Variants in SERGEF observed in about 807,000 individuals in gnomAD.
The protein encoded by SERGEF is secretion regulating guanine nucleotide exchange factor.
In SERGEF, 51 loss-of-function variants were observed where a neutral mutation model predicts 50.0. The observed-to-expected ratio is 1.02, with a 90% CI of 0.81 to 1.29. SERGEF has a LOEUF of 1.29. SERGEF is among the 50% of genes most tolerant of loss of function. The probability of loss-of-function intolerance (pLI) is 0.00; values close to 1 mark genes in which losing one functional copy is unlikely to be tolerated. For synonymous variants in SERGEF, 205 were observed against 212.4 expected, an observed-to-expected ratio of 0.97 and a Z score of 0.30; for missense variants, 521 against 557.0, an observed-to-expected ratio of 0.94 and a Z score of 0.65.
chr11:17,907,846 C>T lies in SERGEF; in HGVS notation c.1012-29602G>A, dbSNP rs76528741. ...AGGAAACAAACATCAGGTTTCTCTT[C>T]AGACAGCAAAAAGGAACTGCTTGTA... On this transcript the variant is annotated intron_variant, in intron 9 of 10. Transcript: ENST00000265965. 8.2e-3 allele frequency among the ~76,000 whole-genome samples: 1,251 copies of T among 152,158 alleles called. 124 individuals carry two copies. The East Asian group carries it at 0.21, about 25-fold the overall frequency.
At chr11:17,970,873 G>C (rs1853233822) in intron 8 of SERGEF, among the ~76,000 whole-genome samples, 1 of 152,158 alleles carries the variant, frequency 6.6e-6, no homozygotes, top group Admixed American at 6.6e-5. Context: ...ATGGAAGCTA[G>C]CAGAGGATGG....
rs1854085261 is a variant in SERGEF at position 18,006,857 on chromosome 11, G to T, written c.197-111C>A. ...GACTCTCAGACCAATAACTTTTTTT[G>T]CCATCCAAGTTAATAAGCTGTGTAT... On this transcript the variant is annotated intron_variant, in intron 2 of 10. Coordinates refer to ENST00000265965, the MANE Select transcript of SERGEF (RefSeq NM_012139.4). 15 of 1,273,106 alleles carry T rather than the reference G, an allele frequency of 1.2e-5. No homozygotes were observed. In the South Asian group the frequency reaches 1.8e-4, roughly 15 times the overall value. 78.9% of individuals were successfully genotyped at this position (1,273,106 alleles called of 1,614,324 possible).
At chr11:17,921,115 A>C (rs1374288317) in intron 9 of SERGEF, among the ~76,000 whole-genome samples, 1 of 152,208 alleles carries the variant, frequency 6.6e-6, no homozygotes, top group African/African-American at 2.4e-5. Flanking sequence ...GCTCAAAATA[A>C]ACGGGTTTGG....
At chr11:17,928,767 G>A (rs1852297055) in intron 9 of SERGEF, among the ~76,000 whole-genome samples, 1 of 152,020 alleles carries the variant, frequency 6.6e-6, no homozygotes, top group Non-Finnish European at 1.5e-5. Context: ...AGGGGTCTAG[G>A]AGATTTAAAC....
chr11:17,999,479 T>A, intron 5 of SERGEF: 1 of 433,780 alleles, frequency 2.3e-6, no homozygotes. Flanking sequence ...AGTCCTGCAT[T>A]GAGCTCTTCC....
At chr11:17,910,137 T>C (rs985348358) in intron 9 of SERGEF, among the ~76,000 whole-genome samples, 5 of 145,768 alleles carry the variant, frequency 3.4e-5, no homozygotes, top group Non-Finnish European at 7.5e-5. Context: ...AAGAGGTGAA[T>C]TCAGAGGAAC....
intron 9 of SERGEF, among the ~76,000 whole-genome samples, chr11:17,942,936 T>C (rs1378387660): frequency 6.6e-6 from 1 of 152,164 alleles, no homozygotes; most frequent in African/African-American, 2.4e-5. Context: ...CTTTCATTCC[T>C]GAGATAACAT....
At chr11:17,862,794 G>A (rs1005625892) in intron 10 of SERGEF, among the ~76,000 whole-genome samples, 2 of 152,204 alleles carry the variant, frequency 1.3e-5, no homozygotes, top group African/African-American at 2.4e-5. Flanking sequence ...GACAGAGCAG[G>A]CTCATGGGCT....
chr11:17,918,797 T>C (rs1484151849), intron 9 of SERGEF: 3 of 422,396 alleles, frequency 7.1e-6, no homozygotes, highest in African/African-American at 6.2e-5. Context: ...AAAAGCAGAA[T>C]ATGGATTAGG....
intron 10 of SERGEF, among the ~76,000 whole-genome samples, chr11:17,864,515 A>G (rs1398410555): frequency 6.6e-6 from 1 of 152,232 alleles, no homozygotes; most frequent in East Asian, 1.9e-4. Context: ...CTGTAAAAAA[A>G]ACACTCTGTA....
Position 17,991,659 on chromosome 11 carries a change from A to G in SERGEF, c.685+1272T>C, listed in dbSNP as rs752728994. On this transcript the variant is annotated intron_variant, in intron 7 of 10. Coordinates refer to ENST00000265965, the MANE Select transcript of SERGEF (RefSeq NM_012139.4). The surrounding 1 kb of genome is among the most constrained non-coding windows in gnomAD (Gnocchi z 4.9). ...CTAATGTGAGACACAAGTTAAAAGTAGGTGCTTTTTTATTAGATGTTTGTT... is the reference window on the plus strand; with the variant it reads ...CTAATGTGAGACACAAGTTAAAAGTGGGTGCTTTTTTATTAGATGTTTGTT... Among the ~76,000 whole-genome samples the G allele has an allele frequency of 1.4e-4, 21 of 152,394 alleles. No homozygotes were observed. The highest frequency in any genetic ancestry group is 2.6e-4 in the Non-Finnish European group (18 of 68,046).
At chr11:17,829,069 AGG>A (rs1222057679) in intron 10 of SERGEF, among the ~76,000 whole-genome samples, 1 of 152,224 alleles carries the variant, frequency 6.6e-6, no homozygotes. Context: ...TCAATCACAG[AGG>A]AAGTGTTTTC....
chr11:18,010,028 A>C (rs1161997341), intron 1 of SERGEF: 1 of 863,312 alleles, frequency 1.2e-6, no homozygotes, highest in East Asian at 6.2e-5. Context: ...TGCAGAGAGA[A>C]TCTTACTAAG....
intron 9 of SERGEF, among the ~76,000 whole-genome samples, chr11:17,906,155 C>T (rs979678453): frequency 6.6e-6 from 1 of 152,112 alleles, no homozygotes; most frequent in Non-Finnish European, 1.5e-5. Flanking sequence ...GAGGTGGATG[C>T]TACATAGTTG....
intron 4 of SERGEF, chr11:18,001,848 A>G (rs577955535): frequency 6.6e-5 from 23 of 346,224 alleles, no homozygotes; most frequent in Non-Finnish European, 1.1e-4. Flanking sequence ...TAGCATAATC[A>G]TAACCCCATT....
At chr11:17,987,910 A>T (rs1853633865) in intron 8 of SERGEF, among the ~76,000 whole-genome samples, 1 of 152,318 alleles carries the variant, frequency 6.6e-6, no homozygotes, top group South Asian at 2.1e-4. Flanking sequence ...TGGCTGGGGA[A>T]CTCTGTGAAA....
intron 7 of SERGEF, among the ~76,000 whole-genome samples, chr11:17,989,473 G>C (rs1853667118): frequency 6.6e-6 from 1 of 152,248 alleles, no homozygotes; most frequent in South Asian, 2.1e-4. Context: ...GGTCTAGAAG[G>C]GCAGACAATA....
intron 9 of SERGEF, among the ~76,000 whole-genome samples, chr11:17,887,939 G>A (rs990238800): frequency 3.3e-5 from 5 of 152,204 alleles, no homozygotes; most frequent in Admixed American, 6.5e-5. Context: ...GCAAGGGAGC[G>A]AAGCTTCATC....
chr11:17,917,083 A>G (rs536169319), intron 9 of SERGEF, among the ~76,000 whole-genome samples: 3 of 152,352 alleles, frequency 2.0e-5, no homozygotes, highest in Admixed American at 2.0e-4. Flanking sequence ...CCCAGAGAAA[A>G]AGAAGTCATT....
Sources: allele counts gnomAD v4.1 joint callset (sites outside exome capture counted in the v4.1 genomes callset), GRCh38; gene constraint gnomAD v4.1.1; non-coding constraint Gnocchi (gnomAD v3.1); transcripts MANE v1.5; gene names NCBI Gene and HGNC (gene_info 2026-07-23, HGNC 2026-07-21).